Variants in L3MBTL4 observed in about 807,000 individuals in gnomAD.
L3MBTL4 encodes L3MBTL histone methyl-lysine binding protein 4.
L3MBTL4 carries 70 observed loss-of-function variants against 84.5 expected under a neutral mutation model. The observed-to-expected ratio is 0.83, with a 90% CI of 0.68 to 1.01. The LOEUF (loss-of-function observed/expected upper bound fraction) is 1.01. Among genes scored for constraint, L3MBTL4 ranks in the 50% least tolerant of loss-of-function variants. The probability of loss-of-function intolerance (pLI) is 0.00; values close to 1 mark genes in which losing one functional copy is unlikely to be tolerated. For synonymous variants in L3MBTL4, 274 were observed against 259.8 expected (o/e 1.05, Z -0.52); for missense variants, 715 against 754.8 (o/e 0.95, Z 0.62).
intron 1 of L3MBTL4, among the ~76,000 whole-genome samples, chr18:6,389,367 C>T (rs2054950513): frequency 6.6e-6 from 1 of 152,046 alleles, no homozygotes; most frequent in Admixed American, 6.6e-5. Context: ...CTCATAAAAA[C>T]CTGTAAAACA....
intron 15 of L3MBTL4, among the ~76,000 whole-genome samples, chr18:6,090,615 CACACACACAT>C (rs748812733): frequency 1.5e-5 from 2 of 133,100 alleles, no homozygotes; most frequent in African/African-American, 6.8e-5. Flanking sequence ...CACACACACA[CACACACACAT>C]ATATTTCTTT....
chr18:6,136,607 C>T (rs1406008475), intron 14 of L3MBTL4, among the ~76,000 whole-genome samples: 1 of 152,100 alleles, frequency 6.6e-6, no homozygotes, highest in African/African-American at 2.4e-5. Context: ...TTTCCACAAC[C>T]GATCAGACTG....
At chr18:6,355,723 C>T (rs1456295887) in intron 1 of L3MBTL4, among the ~76,000 whole-genome samples, 1 of 152,104 alleles carries the variant, frequency 6.6e-6, no homozygotes, top group Admixed American at 6.5e-5. Flanking sequence ...AGTCAACCTC[C>T]TGCAATATTA....
At chr18:6,285,809 A>ATATTATTATTATTATTATTATTAT (rs139613072) in intron 4 of L3MBTL4, among the ~76,000 whole-genome samples, 2 of 143,232 alleles carry the variant, frequency 1.4e-5, no homozygotes, top group African/African-American at 5.2e-5. Flanking sequence ...TTTAAAAGAT[A>ATATTATTATTATTATTATTATTAT]TATTATTATT....
At chr18:6,030,307 C>T in intron 16 of L3MBTL4, 1 of 985,276 alleles carries the variant, frequency 1.0e-6, no homozygotes, top group Non-Finnish European at 1.2e-6. Flanking sequence ...CAATAATATG[C>T]TTTTAAGCCT....
At chr18:6,031,723 G>A in intron 16 of L3MBTL4, 1 of 985,340 alleles carries the variant, frequency 1.0e-6, no homozygotes, top group East Asian at 1.1e-4. Flanking sequence ...AGAGGAACAA[G>A]AGATGAAGGG....
rs1335509699 is a variant in L3MBTL4, at chr18:6,224,112, A to ATAACATATGCAATAAATAAAT, written c.785-8278_785-8277insATTTATTTATTGCATATGTTA. Reference sequence around the variant, plus strand: ...CGAATATAATGTTATTTATGCAAAAAATAAAAATAAAAACAAAACTAATAT... The same window carrying ATAACATATGCAATAAATAAAT: ...CGAATATAATGTTATTTATGCAAAAATAACATATGCAATAAATAAATATAAAAATAAAAACAAAACTAATAT... On this transcript the variant is annotated intron_variant, in intron 10 of 18. Transcript: ENST00000317931. Among the ~76,000 whole-genome samples the ATAACATATGCAATAAATAAAT allele has an allele frequency of 2.6e-5, 4 of 152,208 alleles. No individual in the cohort carries two copies. In the East Asian group the frequency reaches 7.7e-4, roughly 29 times the overall value.
At position 6,291,394 on chromosome 18, in the gene L3MBTL4, A is replaced by G. The variant is rs117355196; in HGVS notation, c.127+10509T>C. ...CAAAAGACCCCAAACAGCCAAAGCA[A>G]TCCTGAGCAAAAAGAGCAAAGCTGG... On this transcript the variant is annotated intron_variant, in intron 4 of 18. Coordinates refer to ENST00000317931, the MANE Select transcript of L3MBTL4 (RefSeq NM_001330559.2). Among the ~76,000 whole-genome samples, 394 of 152,274 alleles carry G rather than the reference A, an allele frequency of 2.6e-3. 9 individuals are homozygous for G. In the East Asian group the frequency reaches 0.053, roughly 21 times the overall value.
Position 5,965,931 on chromosome 18 carries a change from C to T in L3MBTL4, c.1614+3462G>A, listed in dbSNP as rs1032454096. ...GCAACAGGTGCAGGAGCATTGTATG[C>T]GAGGCACTTAGACTTTCCCATGGCT... is the stretch of plus-strand genomic sequence containing the variant. On this transcript the variant is annotated intron_variant, in intron 17 of 18. Transcript: ENST00000317931. Among the ~76,000 whole-genome samples the T allele has an allele frequency of 3.3e-5, 5 of 152,142 alleles. No individual in the cohort carries two copies. The East Asian group carries it at 5.8e-4, about 18-fold the overall frequency.
intron 16 of L3MBTL4, among the ~76,000 whole-genome samples, chr18:5,998,441 A>T (rs756042552): frequency 1.3e-5 from 2 of 152,130 alleles, no homozygotes; most frequent in Non-Finnish European, 2.9e-5. Flanking sequence ...CCTGAGGACA[A>T]CCTATTTTCC....
chr18:6,312,560 T>C (rs964210016), intron 1 of L3MBTL4, among the ~76,000 whole-genome samples: 3 of 152,130 alleles, frequency 2.0e-5, no homozygotes, highest in Non-Finnish European at 2.9e-5. Context: ...AAGGGGCAAG[T>C]GGAGGCTGAA....
intron 16 of L3MBTL4, among the ~76,000 whole-genome samples, chr18:6,061,764 A>G (rs1427562544): frequency 1.3e-5 from 2 of 151,570 alleles, no homozygotes; most frequent in Non-Finnish European, 3.0e-5. Context: ...CTTCTCTCTT[A>G]TCATATCAAT....
chr18:6,059,624 A>T (rs2057139100), intron 16 of L3MBTL4, among the ~76,000 whole-genome samples: 1 of 152,066 alleles, frequency 6.6e-6, no homozygotes, highest in Non-Finnish European at 1.5e-5. Flanking sequence ...AGCTAAAAAA[A>T]AAGCCTGATA....
intron 16 of L3MBTL4, among the ~76,000 whole-genome samples, chr18:6,040,261 A>C (rs1288352876): frequency 6.6e-6 from 1 of 152,222 alleles, no homozygotes; most frequent in Non-Finnish European, 1.5e-5. Flanking sequence ...GTGGTCTTTC[A>C]ACCAGAAGCA....
At chr18:6,342,726 C>A (rs965733521) in intron 1 of L3MBTL4, among the ~76,000 whole-genome samples, 39 of 151,956 alleles carry the variant, frequency 2.6e-4, no homozygotes, top group African/African-American at 9.2e-4. Flanking sequence ...TTTAGTAAGT[C>A]CTTGCCTATC....
chr18:6,176,211 A>G (rs1012882988), intron 12 of L3MBTL4, among the ~76,000 whole-genome samples: 7 of 152,150 alleles, frequency 4.6e-5, no homozygotes, highest in Non-Finnish European at 7.4e-5. Context: ...AGATTCTAAC[A>G]TTATAAAGGA....
At chr18:6,157,554 T>C (rs1038886039) in intron 13 of L3MBTL4, among the ~76,000 whole-genome samples, 11 of 152,204 alleles carry the variant, frequency 7.2e-5, no homozygotes, top group African/African-American at 2.7e-4. Flanking sequence ...ACCAGCCATA[T>C]GGTGTATTTA....
chr18:5,999,841 G>A (rs953632784), intron 16 of L3MBTL4, among the ~76,000 whole-genome samples: 7 of 152,202 alleles, frequency 4.6e-5, no homozygotes, highest in Non-Finnish European at 8.8e-5. Flanking sequence ...AATGGGGACA[G>A]GACCTTGGGT....
intron 14 of L3MBTL4, among the ~76,000 whole-genome samples, chr18:6,095,078 TACAATTTATAATAAGA>T (rs2058586846): frequency 6.6e-6 from 1 of 152,210 alleles, no homozygotes; most frequent in Admixed American, 6.5e-5. Flanking sequence ...TACCAAAAAG[TACAATTTATAATAAGA>T]ATTAAAAAGC....
Sources: allele counts gnomAD v4.1 joint callset (sites outside exome capture counted in the v4.1 genomes callset), GRCh38; gene constraint gnomAD v4.1.1; transcripts MANE v1.5; gene names NCBI Gene and HGNC (gene_info 2026-07-23, HGNC 2026-07-21).